Variants in PRKG1 observed in about 807,000 individuals in gnomAD.
The protein encoded by PRKG1 is protein kinase cGMP-dependent 1.
In PRKG1, 35 loss-of-function variants were observed where a neutral mutation model predicts 88.1. That is an observed-to-expected ratio of 0.40 (90% CI 0.30 to 0.53). The LOEUF (loss-of-function observed/expected upper bound fraction) is 0.53, where lower values mean the gene tolerates loss of function less well. PRKG1 is among the 20% of genes least tolerant of loss of function. The pLI is 0.59. For synonymous variants in PRKG1, 303 were observed against 292.5 expected (o/e 1.04, Z -0.37); for missense variants, 540 against 839.8 (o/e 0.64, Z 4.41).
chr10:51,568,312 G>A (rs1223793525), intron 3 of PRKG1: 1 of 152,084 alleles, frequency 6.6e-6, no homozygotes, highest in Non-Finnish European at 1.5e-5. Context: ...ATGAGGATCC[G>A]ATACACTCAC....
At chr10:52,135,891 A>T (rs1223780477) in intron 8 of PRKG1, among the ~76,000 whole-genome samples, 1 of 152,080 alleles carries the variant, frequency 6.6e-6, no homozygotes, top group Non-Finnish European at 1.5e-5. Flanking sequence ...CGAGAAGAAG[A>T]TTAAAGAGCC....
chr10:51,811,673 A>G (rs1353064912), intron 4 of PRKG1, among the ~76,000 whole-genome samples: 1 of 152,200 alleles, frequency 6.6e-6, no homozygotes. Flanking sequence ...TTTGTTCAAA[A>G]TCTTCAAGGT....
At chr10:51,889,244 G>A (rs1365640607) in intron 4 of PRKG1, among the ~76,000 whole-genome samples, 2 of 125,392 alleles carry the variant, frequency 1.6e-5, no homozygotes, top group Non-Finnish European at 3.1e-5. Flanking sequence ...GGTGTGTGAT[G>A]TTCCCCTTCC....
At chr10:51,567,164 A>T (rs7897722) in intron 3 of PRKG1, among the ~76,000 whole-genome samples, 10,503 of 152,090 alleles carry the variant, frequency 0.069, 1,179 homozygotes, top group African/African-American at 0.24. Flanking sequence ...CTTTGTACTG[A>T]CATTTGCCAT....
intron 7 of PRKG1, among the ~76,000 whole-genome samples, chr10:52,079,019 A>C (rs1377950397): frequency 1.3e-5 from 2 of 152,180 alleles, no homozygotes; most frequent in African/African-American, 4.8e-5. Flanking sequence ...TGGCATTTTA[A>C]TTTCTTTCTC....
At chr10:51,306,686 G>A (rs924152231) in intron 2 of PRKG1, 5 of 152,140 alleles carry the variant, frequency 3.3e-5, no homozygotes, top group South Asian at 2.1e-4. Context: ...TAGTCTCATC[G>A]TTCTTCTCTG....
At chr10:51,215,568 G>A (rs935062491) in intron 2 of PRKG1, among the ~76,000 whole-genome samples, 3 of 152,188 alleles carry the variant, frequency 2.0e-5, no homozygotes. Flanking sequence ...GGGCATGGAG[G>A]AGGAAGGGAG....
chr10:51,743,312 A>G (rs932923627), intron 3 of PRKG1, among the ~76,000 whole-genome samples: 3 of 151,996 alleles, frequency 2.0e-5, no homozygotes, highest in Admixed American at 6.6e-5. Flanking sequence ...TATGCTTTCT[A>G]GGGGTGGGTG....
intron 1 of PRKG1, among the ~76,000 whole-genome samples, chr10:51,021,337 A>T (rs776494151): frequency 4.6e-5 from 7 of 152,200 alleles, no homozygotes; most frequent in African/African-American, 1.4e-4. Context: ...ATGACAAACC[A>T]TACGTCCGTA....
At chr10:51,252,267 C>G (rs940833754) in intron 2 of PRKG1, among the ~76,000 whole-genome samples, 8 of 151,720 alleles carry the variant, frequency 5.3e-5, no homozygotes, top group Admixed American at 5.3e-4. Flanking sequence ...GGTGATAACA[C>G]TTTTGTTATT....
chr10:51,486,933 A>C (rs1840561820), intron 3 of PRKG1, among the ~76,000 whole-genome samples: 1 of 152,050 alleles, frequency 6.6e-6, no homozygotes, highest in Admixed American at 6.6e-5. Flanking sequence ...TCTGTTGTCA[A>C]ATTCCAATTA....
At chr10:51,095,212 TCA>T (rs1221134369) in intron 1 of PRKG1, among the ~76,000 whole-genome samples, 1 of 152,176 alleles carries the variant, frequency 6.6e-6, no homozygotes, top group African/African-American at 2.4e-5. Context: ...CTGTACTCTC[TCA>T]TTTTCCATGC....
chr10:51,774,093 T>C (rs182703782), intron 3 of PRKG1, among the ~76,000 whole-genome samples: 1 of 152,200 alleles, frequency 6.6e-6, no homozygotes, highest in Admixed American at 6.5e-5. Context: ...AGGTGGAGTC[T>C]CTGTTTGGCT....
intron 3 of PRKG1, among the ~76,000 whole-genome samples, chr10:51,607,138 C>T (rs1466847447): frequency 3.3e-5 from 5 of 152,166 alleles, no homozygotes; most frequent in Non-Finnish European, 5.9e-5. Flanking sequence ...TTTAAATGTG[C>T]ATATCGAATT....
At chr10:51,220,348 A>G (rs1215202568) in intron 2 of PRKG1, among the ~76,000 whole-genome samples, 2 of 152,208 alleles carry the variant, frequency 1.3e-5, no homozygotes, top group Non-Finnish European at 2.9e-5. Context: ...AAGAGATTAT[A>G]AGTGAGTGTT....
intron 3 of PRKG1, among the ~76,000 whole-genome samples, chr10:51,631,163 C>T (rs1839516258): frequency 6.6e-6 from 1 of 152,128 alleles, no homozygotes; most frequent in African/African-American, 2.4e-5. Flanking sequence ...ATGCAACTTT[C>T]CTTTTGTTGG....
chr10:52,272,313 A>G (rs1364647195), intron 11 of PRKG1, 79 bp from the exon 12 acceptor site: 43 of 1,109,322 alleles, frequency 3.9e-5, no homozygotes, highest in Non-Finnish European at 1.4e-5. Context: ...TCAAAACTAT[A>G]ATCTGGGCCC....
chr10:51,670,441 A>C (rs1468637084), intron 3 of PRKG1, among the ~76,000 whole-genome samples: 2 of 151,402 alleles, frequency 1.3e-5, no homozygotes, highest in African/African-American at 4.8e-5. Context: ...TTAACATTTA[A>C]AAATGCAAGA....
At chr10:51,022,370 CTCTT>C (rs1843150305) in intron 1 of PRKG1, among the ~76,000 whole-genome samples, 1 of 152,220 alleles carries the variant, frequency 6.6e-6, no homozygotes, top group African/African-American at 2.4e-5. Context: ...TTGACATCTC[CTCTT>C]CAGGGCACTG....
Sources: allele counts gnomAD v4.1 joint callset (sites outside exome capture counted in the v4.1 genomes callset), GRCh38; gene constraint gnomAD v4.1.1; transcripts MANE v1.5; gene names NCBI Gene and HGNC (gene_info 2026-07-23, HGNC 2026-07-21).